GIMAP8: variants seen among roughly 807,000 people sequenced by gnomAD.
The protein encoded by GIMAP8 is GTPase, IMAP family member 8.
GIMAP8 carries 29 observed loss-of-function variants against 35.6 expected under a neutral mutation model. The ratio of observed to expected loss-of-function variants is 0.81; its 90% CI spans 0.61 to 1.11. The LOEUF (loss-of-function observed/expected upper bound fraction) is 1.11. GIMAP8 is among the 50% of genes most tolerant of loss of function. The pLI is 0.00. For missense variants in GIMAP8, 811 were observed against 805.0 expected, an observed-to-expected ratio of 1.01 and a Z score of -0.09; for synonymous variants, 335 against 308.7, an observed-to-expected ratio of 1.09 and a Z score of -0.89.
chr7:150,474,640 TAA>T lies in GIMAP8; in HGVS notation c.1309+5_1309+6del. Reference sequence around the variant, plus strand: ...AGCATTGTGTTTTCAGAGAAAAAGGTAAAACTGTGAATAGGATATATATTTTT... The same window carrying T: ...AGCATTGTGTTTTCAGAGAAAAAGGTAACTGTGAATAGGATATATATTTTT... On this transcript the variant is annotated splice_donor_region_variant and intron_variant, in intron 4 of 4. Coordinates refer to ENST00000307271, the MANE Select transcript of GIMAP8 (RefSeq NM_175571.4). The T allele has an allele frequency of 6.4e-7, 1 of 1,569,314 alleles. No individual in the cohort carries two copies. The highest frequency in any genetic ancestry group is 8.6e-7 in the Non-Finnish European group (1 of 1,159,688).
chr7:150,456,267 C>T (rs926978323), intron 1 of GIMAP8, among the ~76,000 whole-genome samples: 2 of 152,200 alleles, frequency 1.3e-5, no homozygotes, highest in Non-Finnish European at 2.9e-5. Flanking sequence ...TTTTACAGTT[C>T]TGGAGGTCAA....
chr7:150,477,047 C>G lies in GIMAP8; in HGVS notation c.1310-45C>G, dbSNP rs182332459. On this transcript the variant is annotated intron_variant, in intron 4 of 4. Transcript: ENST00000307271. The stretch of plus-strand genomic sequence containing the variant: ...ATGGGATAACTTTAAAATCCAATTT[C>G]AGATCAGCCCATGGTCACGAATCTT... 3 of 1,462,608 alleles carry G rather than the reference C, an allele frequency of 2.1e-6. No individual in the cohort carries two copies. The Admixed American group carries it at 5.8e-5, about 28-fold the overall frequency. 90.6% of individuals were successfully genotyped at this position (1,462,608 alleles called of 1,614,324 possible).
At chr7:150,464,889 AAT>A (rs754569562) in intron 1 of GIMAP8, among the ~76,000 whole-genome samples, 4 of 152,228 alleles carry the variant, frequency 2.6e-5, no homozygotes, top group Non-Finnish European at 5.9e-5. Context: ...GTGATCAGAT[AAT>A]GAGTGTAAGC....
At chr7:150,474,938 T>C (rs899944921) in intron 4 of GIMAP8, among the ~76,000 whole-genome samples, 1 of 151,840 alleles carries the variant, frequency 6.6e-6, no homozygotes, top group Non-Finnish European at 1.5e-5. Flanking sequence ...TGTGATCTTA[T>C]TGTTCAATTC....
rs1801991272 is a variant in GIMAP8 at position 150,467,334 on chromosome 7, A to G, written c.636A>G (p.Gln212=). The G allele has an allele frequency of 6.2e-7, 1 of 1,606,818 alleles. No individual in the cohort carries two copies. ...VNFKTEGSRF[Q]DCVNEAASQE... ...TCAAAACTGAAGGCAGCAGGTTTCA[A>G]GTAAGAATTTTGTTAATATCTTGAA... The change falls in exon 2 of 5, where the codon CAA becomes CAG. Residue 212 remains glutamine, a splice_region_variant and synonymous_variant. Coordinates refer to ENST00000307271, the MANE Select transcript of GIMAP8 (RefSeq NM_175571.4).
chr7:150,474,263 A>G lies in GIMAP8; in HGVS notation c.934A>G (p.Ile312Val), dbSNP rs779328639. 42 of 1,614,054 alleles carry G rather than the reference A, an allele frequency of 2.6e-5. No individual in the cohort carries two copies. Among genetic ancestry groups the G allele is most frequent in the Non-Finnish European group, 3.2e-5 (38 of 1,180,026 alleles). ...TCCGGACATCTCATCTTTAAAGAAC[A>G]TTGACTCAGAAGTTAGAAAACACAT... ...DAPDISSLKN[I>V]DSEVRKHICT... Residue 312 changes from isoleucine to valine, a missense_variant, in exon 4 of 5, where the codon ATT (isoleucine) becomes GTT (valine). Transcript: ENST00000307271.
rs1464452697 is a variant in GIMAP8 at position 150,474,028 on chromosome 7, G to A, written c.699G>A (p.Gln233=). 1.9e-6 allele frequency: 3 copies of A among 1,613,060 alleles called. No individual in the cohort carries two copies. The highest frequency in any genetic ancestry group is 2.5e-6 in the Non-Finnish European group (3 of 1,179,464). The stretch of plus-strand genomic sequence containing the variant: ...GTCCCACAGGCCCAAGGGAAAGGCA[G>A]CTGCAGTCCACAGGACCCGAGCAGA... ...GDKPQGPRER[Q]LQSTGPEQNP... is the part of the protein sequence containing the mutation. Residue 233 remains glutamine, a synonymous_variant, in exon 4 of 5, where the codon CAG becomes CAA. Coordinates refer to ENST00000307271, the MANE Select transcript of GIMAP8 (RefSeq NM_175571.4).
rs1801597412 is a variant in GIMAP8 at position 150,451,155 on chromosome 7, C to G, written c.-49C>G. The G allele has an allele frequency of 6.6e-6, 1 of 152,358 alleles. No homozygotes were observed. Among genetic ancestry groups the G allele is most frequent in the South Asian group, 2.1e-4 (1 of 4,828 alleles). The allele number at this position is 152,358 out of a possible 1,614,324, so 9.4% of individuals were successfully genotyped here. On this transcript the variant is annotated 5_prime_UTR_variant, in exon 1 of 5. Coordinates refer to ENST00000307271, the MANE Select transcript of GIMAP8 (RefSeq NM_175571.4). This position sits in a 1 kb window ranked among gnomAD's most constrained non-coding sequence, Gnocchi z 4.1. ...TCCTCACATCCTGTGCCCTGGGGGA[C>G]CAGCAGCTGCTTCCACCCAGGTGAG...
At chr7:150,454,726 C>T (rs929254968) in intron 1 of GIMAP8, among the ~76,000 whole-genome samples, 1 of 152,236 alleles carries the variant, frequency 6.6e-6, no homozygotes, top group African/African-American at 2.4e-5. Flanking sequence ...ACATTGTTCT[C>T]TGGCCACAAT....
chr7:150,466,074 C>G (rs577370488), intron 1 of GIMAP8, among the ~76,000 whole-genome samples: 1 of 152,308 alleles, frequency 6.6e-6, no homozygotes, highest in South Asian at 2.1e-4. Context: ...TCACCTGGCA[C>G]TGGGTGCATC....
At position 150,467,092 on chromosome 7, in the gene GIMAP8, G is replaced by A; in HGVS notation, c.394G>A (p.Val132Ile). 1 of 1,614,200 alleles carries A rather than the reference G, an allele frequency of 6.2e-7. No homozygotes were observed. The stretch of plus-strand genomic sequence containing the variant: ...TGAAGCCAGGAGGCACATCATTATT[G>A]TCTTCACTCGGAAGGATGATTTGGG... ...GAEARRHIII[V>I]FTRKDDLGDD... Residue 132 changes from valine (V) to isoleucine (I), a missense_variant, in exon 2 of 5, where the codon GTC becomes ATC. Val to Ile is a conservative substitution (Grantham distance 29). Coordinates refer to ENST00000307271, the MANE Select transcript of GIMAP8 (RefSeq NM_175571.4).
chr7:150,452,583 A>G (rs1801630736), intron 1 of GIMAP8, among the ~76,000 whole-genome samples: 1 of 148,010 alleles, frequency 6.8e-6, no homozygotes, highest in Admixed American at 6.8e-5. Flanking sequence ...GTGTATGTAT[A>G]TATGTATATA....
intron 1 of GIMAP8, among the ~76,000 whole-genome samples, chr7:150,463,820 G>A (rs1299255260): frequency 6.6e-6 from 1 of 152,234 alleles, no homozygotes; most frequent in Non-Finnish European, 1.5e-5. Flanking sequence ...GGCAGGTGGA[G>A]GACCCGAGTA....
chr7:150,465,629 A>C (rs1801938830), intron 1 of GIMAP8, among the ~76,000 whole-genome samples: 1 of 152,208 alleles, frequency 6.6e-6, no homozygotes. Context: ...TGAGTAGTTC[A>C]CTTGGCTGGA....
intron 3 of GIMAP8, 55 bp downstream of exon 3, chr7:150,470,929 T>C (rs1035882351): frequency 2.3e-5 from 29 of 1,247,758 alleles, no homozygotes; most frequent in Admixed American, 1.0e-4. Context: ...TTGAATGCAT[T>C]CTGCAGCCAA....
intron 1 of GIMAP8, among the ~76,000 whole-genome samples, chr7:150,463,627 A>T (rs149530319): frequency 6.6e-6 from 1 of 152,328 alleles, no homozygotes; most frequent in East Asian, 1.9e-4. Context: ...GATGTCTGCA[A>T]GTTCCTCAGT....
chr7:150,473,753 C>G (rs942861838), intron 3 of GIMAP8, among the ~76,000 whole-genome samples: 3 of 151,734 alleles, frequency 2.0e-5, no homozygotes, highest in Non-Finnish European at 4.4e-5. Flanking sequence ...CCCTGAGGAC[C>G]TAGACCAACG....
Position 150,462,725 on chromosome 7 carries a change from C to T in GIMAP8, c.-28-3946C>T, listed in dbSNP as rs76102327. Among the ~76,000 whole-genome samples the T allele has an allele frequency of 9.3e-3, 1,418 of 152,258 alleles. 20 individuals are homozygous for T. Among genetic ancestry groups the T allele is most frequent in the African/African-American group, 0.033 (1,361 of 41,554 alleles). On this transcript the variant is annotated intron_variant, in intron 1 of 4. Transcript: ENST00000307271. ...CATGGTGTTAGTCTGATGGAGATTCCTTTATATGTGACTTGAGACTTTTAT... is the reference window on the plus strand; with the variant it reads ...CATGGTGTTAGTCTGATGGAGATTCTTTTATATGTGACTTGAGACTTTTAT...
rs1802184596 is a variant in GIMAP8 at position 150,474,654 on chromosome 7, G to T, written c.1309+16G>T. 6.8e-7 allele frequency: 1 copy of T among 1,474,244 alleles called. No homozygotes were observed. The highest frequency in any genetic ancestry group is 2.4e-5 in the Admixed American group (1 of 42,298). The allele number at this position is 1,474,244 out of a possible 1,614,324, so 91.3% of individuals were successfully genotyped here. On this transcript the variant is annotated intron_variant, in intron 4 of 4. Transcript: ENST00000307271. ...AGAGAAAAAGGTAAAACTGTGAATA[G>T]GATATATATTTTTACATATATCATT... is the stretch of plus-strand genomic sequence containing the variant.
Sources: allele counts gnomAD v4.1 joint callset (sites outside exome capture counted in the v4.1 genomes callset), GRCh38; gene constraint gnomAD v4.1.1; non-coding constraint Gnocchi (gnomAD v3.1); transcripts MANE v1.5; gene names NCBI Gene and HGNC (gene_info 2026-07-23, HGNC 2026-07-21).